Variants in NEDD4 observed in about 807,000 individuals in gnomAD.
NEDD4 encodes NEDD4 E3 ubiquitin protein ligase, also known as E3 ubiquitin-protein ligase NEDD4.
Under a neutral mutation model 144.9 loss-of-function variants are expected in NEDD4, and 99 were observed. The ratio of observed to expected loss-of-function variants is 0.68; its 90% CI spans 0.58 to 0.81. The LOEUF (loss-of-function observed/expected upper bound fraction) is 0.81, where lower values mean the gene tolerates loss of function less well. Ranked by LOEUF, NEDD4 falls within the 30% of genes least tolerant of loss-of-function variation. The pLI is 0.00. For missense variants in NEDD4, 985 were observed against 1,065.9 expected (o/e 0.92, Z 1.06); for synonymous variants, 318 against 350.6 (o/e 0.91, Z 1.04).
At chr15:55,906,552 T>C (rs562827854) in intron 5 of NEDD4, among the ~76,000 whole-genome samples, 3 of 151,458 alleles carry the variant, frequency 2.0e-5, no homozygotes, top group Non-Finnish European at 2.9e-5. Context: ...AAACACCCCA[T>C]GTTCTCACTC....
At chr15:55,871,815 A>G (rs1187032004) in intron 7 of NEDD4, among the ~76,000 whole-genome samples, 1 of 152,210 alleles carries the variant, frequency 6.6e-6, no homozygotes, top group Non-Finnish European at 1.5e-5. Flanking sequence ...CCTTTTTGAC[A>G]GTAAATCCAC....
At chr15:55,942,840 G>A (rs1356974132) in intron 4 of NEDD4, among the ~76,000 whole-genome samples, 1 of 152,188 alleles carries the variant, frequency 6.6e-6, no homozygotes, top group Non-Finnish European at 1.5e-5. Flanking sequence ...GAAGAAAGGA[G>A]GATGATGGAA....
At chr15:55,980,793 G>GTGT (rs1566977233) in intron 1 of NEDD4, among the ~76,000 whole-genome samples, 16 of 149,090 alleles carry the variant, frequency 1.1e-4, no homozygotes, top group Admixed American at 4.7e-4. Flanking sequence ...TGTGTGTAGG[G>GTGT]GTGTGTGTGT....
At chr15:55,974,440 C>T (rs889140151) in intron 1 of NEDD4, among the ~76,000 whole-genome samples, 1 of 151,994 alleles carries the variant, frequency 6.6e-6, no homozygotes, top group Admixed American at 6.5e-5. Context: ...ACTCTGATAT[C>T]AAAACCAGAC....
chr15:55,984,266 G>A (rs530113944), intron 1 of NEDD4, among the ~76,000 whole-genome samples: 16 of 152,270 alleles, frequency 1.1e-4, no homozygotes, highest in Middle Eastern at 3.4e-3. Context: ...TTTTATTTGC[G>A]TATTAGTAGC....
chr15:55,851,853 T>G (rs2033995405), intron 13 of NEDD4, among the ~76,000 whole-genome samples: 1 of 152,184 alleles, frequency 6.6e-6, no homozygotes, highest in Non-Finnish European at 1.5e-5. Context: ...CTATTCAAAT[T>G]ACAAAAATAC....
At chr15:55,935,749 C>T (rs937506103) in intron 4 of NEDD4, among the ~76,000 whole-genome samples, 9 of 147,832 alleles carry the variant, frequency 6.1e-5, no homozygotes, top group Middle Eastern at 3.6e-3. Flanking sequence ...CGGGAGGCTG[C>T]GGCAGGAGAC....
In NEDD4 at chr15:55,840,451, G is replaced by T. The variant is rs751666722; in HGVS notation, c.2027C>A (p.Ser676Tyr). The change falls in exon 21 of 29, where the codon TCT becomes TAT. Residue 676 changes from serine (S) to tyrosine (Y), a missense_variant. Physicochemically the swap from Ser to Tyr is moderately radical, Grantham distance 144. Coordinates refer to ENST00000435532, the MANE Select transcript of NEDD4 (RefSeq NM_006154.4). ...CTATAAGTGAAAAAGACATACCACA[G>T]ATTCCATATCATGAAGGGTTATTGG... ...HKPITLHDME[S>Y]VDSEYYNSLR... 6.8e-6 allele frequency: 11 copies of T among 1,613,100 alleles called. No homozygotes were observed. The highest frequency in any genetic ancestry group is 8.5e-6 in the Non-Finnish European group (10 of 1,179,602).
chr15:55,903,636 A>T (rs1219924267), intron 5 of NEDD4, among the ~76,000 whole-genome samples: 1 of 151,438 alleles, frequency 6.6e-6, no homozygotes, highest in African/African-American at 2.4e-5. Context: ...CATCCTAGCT[A>T]AACACGGTGA....
At chr15:55,835,093 CAAAAACTAAT>C (rs2033132877) in intron 24 of NEDD4, among the ~76,000 whole-genome samples, 1 of 152,102 alleles carries the variant, frequency 6.6e-6, no homozygotes, top group African/African-American at 2.4e-5. Context: ...AACAAACAAA[CAAAAACTAAT>C]GACTCTCTTT....
At chr15:55,934,035 C>A (rs1384689124) in intron 4 of NEDD4, among the ~76,000 whole-genome samples, 1 of 152,132 alleles carries the variant, frequency 6.6e-6, no homozygotes, top group Non-Finnish European at 1.5e-5. Context: ...CGCCTGTAAT[C>A]CCAGCTACTT....
Position 55,949,895 on chromosome 15 carries a change from A to G in NEDD4, c.237+1481T>C, listed in dbSNP as rs142908237. Among the ~76,000 whole-genome samples the G allele has an allele frequency of 3.4e-3, 521 of 152,260 alleles. 5 individuals are homozygous for G. The highest frequency in any genetic ancestry group is 0.024 in the Middle Eastern group (7 of 294). ...CAGCACACCAATATGGCACGTGTAT[A>G]CATATGTAACAAACCTGCACGTTGT... is the stretch of plus-strand genomic sequence containing the variant. On this transcript the variant is annotated intron_variant, in intron 4 of 28. Transcript: ENST00000435532.
chr15:55,920,341 C>T (rs1284049832), intron 5 of NEDD4, among the ~76,000 whole-genome samples: 2 of 152,186 alleles, frequency 1.3e-5, no homozygotes, highest in Non-Finnish European at 2.9e-5. Flanking sequence ...GGTCTCCACC[C>T]AGAATATAGG....
rs187687798 is a variant in NEDD4 at position 55,965,839 on chromosome 15, C to T, written c.119+634G>A. ...ATAATTTTTGTATTTTTAGTAGAGACAGGGTTTCACCATGTTGGTCAGGCT... is the reference window on the plus strand; with the variant it reads ...ATAATTTTTGTATTTTTAGTAGAGATAGGGTTTCACCATGTTGGTCAGGCT... On this transcript the variant is annotated intron_variant, in intron 2 of 28. Transcript: ENST00000435532. Among the ~76,000 whole-genome samples the T allele has an allele frequency of 2.9e-3, 445 of 152,122 alleles. 2 individuals carry two copies. The highest frequency in any genetic ancestry group is 5.2e-3 in the Non-Finnish European group (353 of 67,982).
Position 55,840,529 on chromosome 15 carries a change from C to T in NEDD4, c.1961-12G>A. The T allele has an allele frequency of 6.2e-7, 1 of 1,613,718 alleles. No homozygotes were observed. The highest frequency in any genetic ancestry group is 8.5e-7 in the Non-Finnish European group (1 of 1,179,884). On this transcript the variant is annotated splice_polypyrimidine_tract_variant and intron_variant, in intron 20 of 28. Transcript: ENST00000435532. ...GCGGATGAAAAAACCTTGCAAAAAA[C>T]CAAATACATTTAGGATGATTACCAA...
At chr15:55,920,184 T>TG (rs2036543302) in intron 5 of NEDD4, among the ~76,000 whole-genome samples, 1 of 95,930 alleles carries the variant, frequency 1.0e-5, no homozygotes, top group Admixed American at 1.2e-4. Flanking sequence ...ATATATTGTG[T>TG]GGAAATATAT....
At chr15:55,949,866 G>T (rs2142297440) in intron 4 of NEDD4, among the ~76,000 whole-genome samples, 1 of 151,814 alleles carries the variant, frequency 6.6e-6, no homozygotes, top group South Asian at 2.1e-4. Flanking sequence ...CAAGTTAATG[G>T]GTGCAGCACA....
chr15:55,860,500 A>G lies in NEDD4; in HGVS notation c.867T>C (p.Ser289=), dbSNP rs773167275. The G allele has an allele frequency of 5.0e-6, 8 of 1,614,194 alleles. No homozygotes were observed. The East Asian group carries it at 1.8e-4, about 36-fold the overall frequency. The change falls in exon 11 of 29, where the codon AGT becomes AGC. Residue 289 remains serine (S), a synonymous_variant. Transcript: ENST00000435532. Reference sequence around the variant, plus strand: ...CAAGATGAGTTGGAACATCCAAGTTACTTGACGGTGGAGGTGATGGGAAGG... The same window carrying G: ...CAAGATGAGTTGGAACATCCAAGTTGCTTGACGGTGGAGGTGATGGGAAGG... ...NQAFPSPPPS[S]NLDVPTHLAE... is the part of the protein sequence containing the mutation.
At chr15:55,916,193 A>T in intron 5 of NEDD4, 1 of 1,614,002 alleles carries the variant, frequency 6.2e-7, no homozygotes, top group East Asian at 2.2e-5. Flanking sequence ...GCACACTTCT[A>T]TTGGAGGTGC....
Sources: allele counts gnomAD v4.1 joint callset (sites outside exome capture counted in the v4.1 genomes callset), GRCh38; gene constraint gnomAD v4.1.1; transcripts MANE v1.5; gene names NCBI Gene and HGNC (gene_info 2026-07-23, HGNC 2026-07-21).